The following PCDHGA9 variants were observed in gnomAD, a reference collection of about 807,000 sequenced individuals.
PCDHGA9 encodes protocadherin gamma subfamily A, 9, also known as protocadherin gamma-A9.
A neutral mutation model predicts 62.5 loss-of-function variants in PCDHGA9; 37 were observed. The observed-to-expected ratio is 0.59, with a 90% CI of 0.46 to 0.78. PCDHGA9 has a LOEUF of 0.78. Ranked by LOEUF, PCDHGA9 falls within the 30% of genes least tolerant of loss-of-function variation. The pLI, the probability that PCDHGA9 is intolerant of heterozygous loss-of-function variation, is 0.00. For missense variants in PCDHGA9, 1,138 were observed against 1,166.2 expected (o/e 0.98, Z 0.35); for synonymous variants, 459 against 484.6 (o/e 0.95, Z 0.69).
intron 2 of PCDHGA9, among the ~76,000 whole-genome samples, chr5:141,503,432 TA>T (rs1423418926): frequency 6.6e-6 from 1 of 151,668 alleles, no homozygotes; most frequent in African/African-American, 2.4e-5. Flanking sequence ...CCATCTCTAC[TA>T]AAAATACAAA....
At position 141,409,100 on chromosome 5, in the gene PCDHGA9, A is replaced by G. The variant is rs1341878280; in HGVS notation, c.2424+3724A>G. ...GTTCTCATTGGATGAGAAAACAGGT[A>G]TGATTAAGAATAACCAGTCATTTGA... is the stretch of plus-strand genomic sequence containing the variant. On this transcript the variant is annotated intron_variant, in intron 1 of 3. Transcript: ENST00000573521. The G allele has an allele frequency of 6.8e-6, 11 of 1,613,934 alleles. No homozygotes were observed. In the Admixed American group the frequency reaches 1.0e-4, roughly 15 times the overall value.
At chr5:141,449,566 G>A (rs1235137244) in intron 1 of PCDHGA9, among the ~76,000 whole-genome samples, 4 of 147,126 alleles carry the variant, frequency 2.7e-5, no homozygotes, top group East Asian at 4.0e-4. Context: ...TCCAGCCTGG[G>A]CGACAGAGCA....
rs747811019 is a variant in PCDHGA9 at position 141,490,069 on chromosome 5, C to T, written c.2425-4738C>T. 6 of 1,614,150 alleles carry T rather than the reference C, an allele frequency of 3.7e-6. No homozygotes were observed. Among genetic ancestry groups the T allele is most frequent in the Non-Finnish European group, 5.1e-6 (6 of 1,180,044 alleles). ...TCCAGACGAGGGCACCAACGGCCAA[C>T]TAGACTATTCTTTTGGAGACCACAC... On this transcript the variant is annotated intron_variant, in intron 1 of 3. Transcript: ENST00000573521. This position sits in a 1 kb window ranked among gnomAD's most constrained non-coding sequence, Gnocchi z 5.4.
In PCDHGA9 at chr5:141,485,867, G is replaced by T; in HGVS notation, c.2425-8940G>T. The T allele has an allele frequency of 6.2e-7, 1 of 1,614,164 alleles. No homozygotes were observed. Among genetic ancestry groups the T allele is most frequent in the Non-Finnish European group, 8.5e-7 (1 of 1,180,040 alleles). On this transcript the variant is annotated intron_variant, in intron 1 of 3. Transcript: ENST00000573521. The surrounding 1 kb of genome is among the most constrained non-coding windows in gnomAD (Gnocchi z 5.7). ...TGGCACCGCAGAGCTCCGGGTATCC[G>T]TGCTGGACGTAAACGACAACGCCCC...
In PCDHGA9 at chr5:141,477,018, C is replaced by T. The variant is rs2099403540; in HGVS notation, c.2425-17789C>T. The T allele has an allele frequency of 3.1e-6, 5 of 1,614,262 alleles. No homozygotes were observed. Among genetic ancestry groups the T allele is most frequent in the Non-Finnish European group, 4.2e-6 (5 of 1,180,048 alleles). ...CAACTATTCGCCTTAGACCTTGTAA[C>T]CGGGATGCTGACAATCAAGGGTCGG... On this transcript the variant is annotated intron_variant, in intron 1 of 3. Coordinates refer to ENST00000573521, the MANE Select transcript of PCDHGA9 (RefSeq NM_018921.3). The surrounding 1 kb of genome is among the most constrained non-coding windows in gnomAD (Gnocchi z 4.9).
chr5:141,511,215 A>G lies in PCDHGA9; in HGVS notation c.*42A>G, dbSNP rs1562250541. On this transcript the variant is annotated 3_prime_UTR_variant, in exon 4 of 4. Coordinates refer to ENST00000573521, the MANE Select transcript of PCDHGA9 (RefSeq NM_018921.3). ...AGAGCCACAGGGCGGCCTCTCCCCA[A>G]CCAGCCCAGCTTCTCCTTACCTGCA... The G allele has an allele frequency of 1.2e-6, 2 of 1,608,380 alleles. No individual in the cohort carries two copies. The highest frequency in any genetic ancestry group is 2.2e-5 in the East Asian group (1 of 44,560).
intron 1 of PCDHGA9, among the ~76,000 whole-genome samples, chr5:141,443,008 T>C (rs2098358096): frequency 1.3e-5 from 2 of 152,220 alleles, no homozygotes; most frequent in Admixed American, 1.3e-4. Context: ...TCTAAGAATA[T>C]GACTAATGGA....
At chr5:141,419,433 T>A (rs1333004780) in intron 1 of PCDHGA9, 6 of 1,613,246 alleles carry the variant, frequency 3.7e-6, no homozygotes, top group Non-Finnish European at 5.1e-6. Flanking sequence ...CACGAGCAGC[T>A]GCGCACCTTC....
At chr5:141,427,132 G>A (rs755992698) in intron 1 of PCDHGA9, 1 of 457,106 alleles carries the variant, frequency 2.2e-6, no homozygotes, top group South Asian at 1.5e-5. Flanking sequence ...AAATCCCTAC[G>A]AGATGATATT....
intron 1 of PCDHGA9, chr5:141,408,907 C>T: frequency 6.2e-7 from 1 of 1,613,244 alleles, no homozygotes; most frequent in East Asian, 2.2e-5. Context: ...TCAAGGATAC[C>T]AATGATAACC....
chr5:141,502,866 C>CTTTT (rs549047197), intron 2 of PCDHGA9, among the ~76,000 whole-genome samples: 3 of 128,028 alleles, frequency 2.3e-5, no homozygotes, highest in African/African-American at 6.2e-5. Flanking sequence ...GACTCTCTGT[C>CTTTT]TTTTTTTTTT....
chr5:141,437,388 C>T (rs1434464979), intron 1 of PCDHGA9, among the ~76,000 whole-genome samples: 1 of 152,186 alleles, frequency 6.6e-6, no homozygotes, highest in Non-Finnish European at 1.5e-5. Context: ...AGACATTCAT[C>T]CACTGCTTTC....
chr5:141,488,014 C>T (rs2099670661), intron 1 of PCDHGA9, among the ~76,000 whole-genome samples: 1 of 152,120 alleles, frequency 6.6e-6, no homozygotes, highest in South Asian at 2.1e-4. Context: ...TCTGAAGTAC[C>T]TTAACTCTAG....
intron 1 of PCDHGA9, among the ~76,000 whole-genome samples, chr5:141,492,781 T>A (rs945023154): frequency 6.6e-6 from 1 of 152,194 alleles, no homozygotes; most frequent in African/African-American, 2.4e-5. Context: ...TGAGTGAGCC[T>A]CTATAGGACA....
At chr5:141,494,972 C>T (rs1005793988) in intron 2 of PCDHGA9, 107 bp downstream of exon 2, 69 of 1,581,734 alleles carry the variant, frequency 4.4e-5, no homozygotes, top group Non-Finnish European at 5.9e-5. Context: ...TGGCTTCTCC[C>T]TCAGTTTGAG....
At chr5:141,446,493 T>C (rs1416449558) in intron 1 of PCDHGA9, among the ~76,000 whole-genome samples, 2 of 152,152 alleles carry the variant, frequency 1.3e-5, no homozygotes. Flanking sequence ...TTTTTTTTTT[T>C]TGAGATGGAG....
intron 1 of PCDHGA9, chr5:141,421,694 C>G (rs2096592726): frequency 6.2e-7 from 1 of 1,613,936 alleles, no homozygotes. Flanking sequence ...TTTGCTCTTC[C>G]TAATGCTAGG....
intron 1 of PCDHGA9, among the ~76,000 whole-genome samples, chr5:141,444,372 T>C (rs967151811): frequency 6.6e-6 from 1 of 151,998 alleles, no homozygotes. Context: ...GGTTTCTCCA[T>C]GTTGGTCAGG....
intron 1 of PCDHGA9, chr5:141,478,171 G>A (rs141465380): frequency 7.3e-5 from 118 of 1,613,942 alleles, no homozygotes; most frequent in African/African-American, 1.5e-4. Flanking sequence ...CCCCCCGGGA[G>A]CAGAAAAAAA....
Sources: gnomAD v4.1 joint callset for allele counts (sites outside exome capture counted in the v4.1 genomes callset) on GRCh38, gnomAD v4.1.1 for gene constraint, Gnocchi (gnomAD v3.1) non-coding constraint, MANE v1.5 for transcripts, NCBI Gene and HGNC (gene_info 2026-07-23, HGNC 2026-07-21) for gene names.